Variants in RAB5C observed in about 807,000 individuals in gnomAD.
The protein encoded by RAB5C is ras-related protein Rab-5C.
A neutral mutation model predicts 25.2 loss-of-function variants in RAB5C; 4 were observed. That is an observed-to-expected ratio of 0.16 (90% CI 0.08 to 0.36). The LOEUF (loss-of-function observed/expected upper bound fraction) is 0.36, where lower values mean the gene tolerates loss of function less well. Among genes scored for constraint, RAB5C ranks in the 10% least tolerant of loss-of-function variants. The pLI is 1.00. For synonymous variants in RAB5C, 100 were observed against 106.4 expected (o/e 0.94, Z 0.37); for missense variants, 199 against 283.8 (o/e 0.70, Z 2.15).
chr17:42,140,687 CTTGTATTT>C (rs1216282705), intron 1 of RAB5C, among the ~76,000 whole-genome samples: 1 of 151,572 alleles, frequency 6.6e-6, no homozygotes, highest in Admixed American at 6.6e-5. Context: ...CCATACCCAG[CTTGTATTT>C]TTGTATTTTT....
intron 1 of RAB5C, among the ~76,000 whole-genome samples, chr17:42,148,719 A>G (rs1000491043): frequency 1.3e-5 from 2 of 152,248 alleles, no homozygotes; most frequent in African/African-American, 2.4e-5. Flanking sequence ...CTGAGCTTTG[A>G]GAGAAAAGTA....
chr17:42,148,580 G>C (rs2079651468), intron 1 of RAB5C, among the ~76,000 whole-genome samples: 1 of 152,040 alleles, frequency 6.6e-6, no homozygotes, highest in Non-Finnish European at 1.5e-5. Flanking sequence ...CCCCTAAAGG[G>C]CTCACCCACC....
chr17:42,129,104 G>A (rs1259617845), intron 2 of RAB5C, among the ~76,000 whole-genome samples: 4 of 152,138 alleles, frequency 2.6e-5, no homozygotes, highest in Non-Finnish European at 4.4e-5. Flanking sequence ...GCAGGGGCAA[G>A]AGAGGGAAAG....
rs2054475409 is a variant in RAB5C at position 42,130,596 on chromosome 17, A to AGG, written c.-88-8_-88-7dup. 1 of 1,563,418 alleles carries AGG rather than the reference A, an allele frequency of 6.4e-7. No individual in the cohort carries two copies. The highest frequency in any genetic ancestry group is 2.3e-5 in the East Asian group (1 of 43,294). ...GTGGGGAGGGGGACCTCCAACTGTA[A>AGG]GGGAGAAATGAGAAGTACTGAGTTA... On this transcript the variant is annotated splice_polypyrimidine_tract_variant and splice_region_variant and intron_variant, in intron 1 of 5. Transcript: ENST00000346213.
At chr17:42,149,875 G>GT (rs2079658708) in intron 1 of RAB5C, among the ~76,000 whole-genome samples, 1 of 133,246 alleles carries the variant, frequency 7.5e-6, no homozygotes, top group Non-Finnish European at 1.6e-5. Context: ...TGCCCAGGCT[G>GT]GTTTTTTTTT....
intron 1 of RAB5C, among the ~76,000 whole-genome samples, chr17:42,146,544 A>T (rs2144094654): frequency 6.6e-6 from 1 of 152,286 alleles, no homozygotes; most frequent in Middle Eastern, 3.4e-3. Context: ...AAGTCAAGAG[A>T]TCAAGACCAT....
chr17:42,131,453 C>CAA (rs920779048), intron 1 of RAB5C, among the ~76,000 whole-genome samples: 1 of 151,680 alleles, frequency 6.6e-6, no homozygotes, highest in African/African-American at 2.4e-5. Flanking sequence ...CACACACACA[C>CAA]AAAAACACAT....
chr17:42,147,959 G>A (rs561352586), intron 1 of RAB5C, among the ~76,000 whole-genome samples: 4 of 152,308 alleles, frequency 2.6e-5, no homozygotes, highest in Non-Finnish European at 5.9e-5. Context: ...TTAGCCGGCC[G>A]TGGTGGCACA....
chr17:42,126,830 C>G lies in RAB5C; in HGVS notation c.460G>C (p.Asp154His). The G allele has an allele frequency of 1.2e-6, 2 of 1,612,158 alleles. No individual in the cohort carries two copies. Among genetic ancestry groups the G allele is most frequent in the Non-Finnish European group, 1.7e-6 (2 of 1,178,448 alleles). Residue 154 changes from aspartate to histidine, a missense_variant, in exon 5 of 6, where the codon GAC becomes CAC. Around this residue, in one of 3 missense-constraint regions of RAB5C, gnomAD observed 154 missense variants for 199.6 expected, o/e 0.77. Transcript: ENST00000346213. ...VEFQEAQAYA[D>H]DNSLLFMETS... ...TCCATGAACAGCAAACTGTTGTCGTCTGCATAGGCTTGTGCTTCCTGGTTT... is the reference window on the plus strand; with the variant it reads ...TCCATGAACAGCAAACTGTTGTCGTGTGCATAGGCTTGTGCTTCCTGGTTT...
chr17:42,129,722 ACCT>A (rs2054466109), intron 2 of RAB5C, among the ~76,000 whole-genome samples: 1 of 151,578 alleles, frequency 6.6e-6, no homozygotes, highest in East Asian at 1.9e-4. Flanking sequence ...CTGCCTAGAA[ACCT>A]CCTACCAAGA....
intron 1 of RAB5C, among the ~76,000 whole-genome samples, chr17:42,143,032 C>G (rs2079611942): frequency 6.6e-6 from 1 of 152,210 alleles, no homozygotes. Flanking sequence ...AAGACCAAAT[C>G]AGACCATTTT....
At chr17:42,136,123 G>T (rs1157189398) in intron 1 of RAB5C, 1 of 152,230 alleles carries the variant, frequency 6.6e-6, no homozygotes, top group Non-Finnish European at 1.5e-5. Context: ...GAAAGGAGTT[G>T]TTAAAGAAAA....
intron 1 of RAB5C, among the ~76,000 whole-genome samples, chr17:42,151,924 G>A (rs186425598): frequency 2.6e-5 from 4 of 152,222 alleles, no homozygotes; most frequent in Admixed American, 2.0e-4. Flanking sequence ...CCCTTGTGCC[G>A]TGGCGCACTC....
chr17:42,129,894 G>GT (rs1411133322), intron 2 of RAB5C, among the ~76,000 whole-genome samples: 2 of 152,236 alleles, frequency 1.3e-5, no homozygotes, highest in Non-Finnish European at 2.9e-5. Flanking sequence ...TCCAGAAAGG[G>GT]TAAAGTCAGC....
chr17:42,151,241 C>G (rs2079668998), intron 1 of RAB5C, among the ~76,000 whole-genome samples: 1 of 152,286 alleles, frequency 6.6e-6, no homozygotes, highest in African/African-American at 2.4e-5. Flanking sequence ...TCGAGACCAT[C>G]CTGGCTAACA....
chr17:42,139,562 A>G (rs762418100), intron 1 of RAB5C, among the ~76,000 whole-genome samples: 3 of 152,134 alleles, frequency 2.0e-5, no homozygotes, highest in Non-Finnish European at 4.4e-5. Flanking sequence ...TCCCAGGTTC[A>G]AGCAATTCTG....
intron 5 of RAB5C, chr17:42,126,531 C>G (rs1450957141): frequency 7.5e-6 from 2 of 265,880 alleles, no homozygotes; most frequent in African/African-American, 4.8e-5. Context: ...GCTCGAGAGG[C>G]TGAGGCAGGA....
chr17:42,150,604 T>C (rs907617988), intron 1 of RAB5C, among the ~76,000 whole-genome samples: 1 of 124,224 alleles, frequency 8.0e-6, no homozygotes, highest in Non-Finnish European at 1.6e-5. Flanking sequence ...ATGCTTGTAA[T>C]CCCAGCACTC....
chr17:42,128,897 C>T, intron 2 of RAB5C, 97 bp from the exon 3 acceptor site: 2 of 1,115,296 alleles, frequency 1.8e-6, no homozygotes, highest in African/African-American at 1.6e-5. Context: ...CAGAAGCCCA[C>T]CACTGAGATG....
Sources: allele counts gnomAD v4.1 joint callset (sites outside exome capture counted in the v4.1 genomes callset), GRCh38; gene constraint gnomAD v4.1.1; regional missense constraint gnomAD v4.1.1; transcripts MANE v1.5; gene names NCBI Gene and HGNC (gene_info 2026-07-23, HGNC 2026-07-21).